Variants in MAP2K6 observed in about 807,000 individuals in gnomAD.
MAP2K6 encodes the protein mitogen-activated protein kinase kinase 6.
A neutral mutation model predicts 53.7 loss-of-function variants in MAP2K6; 16 were observed. That is an observed-to-expected ratio of 0.30 (90% CI 0.20 to 0.45). MAP2K6 has a LOEUF of 0.45. Among genes scored for constraint, MAP2K6 ranks in the 20% least tolerant of loss-of-function variants. MAP2K6 has a pLI of 1.00. For missense variants in MAP2K6, 204 were observed against 411.9 expected (o/e 0.50, Z 4.37); for synonymous variants, 132 against 143.1 (o/e 0.92, Z 0.55).
Position 69,447,535 on chromosome 17 carries a change from G to A in MAP2K6, c.16+32535G>A, listed in dbSNP as rs528015136. On this transcript the variant is annotated intron_variant, in intron 1 of 11. Coordinates refer to ENST00000590474, the MANE Select transcript of MAP2K6 (RefSeq NM_002758.4). ...TAATTTTTGTATTTTTAGTGGAGAC[G>A]GGGTTTTACCATGTTGACCAGGCTG... Among the ~76,000 whole-genome samples, 6 of 151,812 alleles carry A rather than the reference G, an allele frequency of 4.0e-5. No individual in the cohort carries two copies. The South Asian group carries it at 6.2e-4, about 16-fold the overall frequency.
At chr17:69,443,397 A>G (rs1031799396) in intron 1 of MAP2K6, among the ~76,000 whole-genome samples, 3 of 152,212 alleles carry the variant, frequency 2.0e-5, no homozygotes, top group Admixed American at 6.5e-5. Flanking sequence ...AGCTTCAGGA[A>G]GGTTATCCGA....
At chr17:69,514,666 A>G (rs1444781206) in intron 2 of MAP2K6, among the ~76,000 whole-genome samples, 1 of 151,930 alleles carries the variant, frequency 6.6e-6, no homozygotes, top group Admixed American at 6.6e-5. Flanking sequence ...GGTTCAAGCG[A>G]TTCTCCTGCC....
At chr17:69,445,799 C>G (rs566967265) in intron 1 of MAP2K6, among the ~76,000 whole-genome samples, 20 of 152,320 alleles carry the variant, frequency 1.3e-4, no homozygotes, top group African/African-American at 4.8e-4. Context: ...AGGACATACA[C>G]ACTACCTTTA....
rs968017298 is a variant in MAP2K6, at chr17:69,516,030, A to C, written c.84-825A>C. Among the ~76,000 whole-genome samples the C allele has an allele frequency of 2.0e-5, 3 of 152,082 alleles. No homozygotes were observed. The South Asian group carries it at 6.2e-4, about 32-fold the overall frequency. On this transcript the variant is annotated intron_variant, in intron 2 of 11. Coordinates refer to ENST00000590474, the MANE Select transcript of MAP2K6 (RefSeq NM_002758.4). ...ATCAGCGGTCCCCAACCTTTTTGGC[A>C]CCAGGGACTGGTTTTTTGAAAGACA...
intron 10 of MAP2K6, among the ~76,000 whole-genome samples, chr17:69,532,330 A>G (rs1167192955): frequency 6.6e-6 from 1 of 152,224 alleles, no homozygotes; most frequent in East Asian, 1.9e-4. Flanking sequence ...GGGGAATTCA[A>G]ATAGGCAGAA....
chr17:69,511,208 T>G (rs931959185), intron 2 of MAP2K6, among the ~76,000 whole-genome samples: 2 of 152,220 alleles, frequency 1.3e-5, no homozygotes, highest in Non-Finnish European at 2.9e-5. Context: ...CTTATCTGTT[T>G]CACTGTGTGA....
At chr17:69,429,090 A>T (rs1906369141) in intron 1 of MAP2K6, among the ~76,000 whole-genome samples, 1 of 152,036 alleles carries the variant, frequency 6.6e-6, no homozygotes, top group East Asian at 1.9e-4. Flanking sequence ...GGGAGAAAGG[A>T]TCATCCTTCC....
chr17:69,441,655 T>C (rs1345550063), intron 1 of MAP2K6, among the ~76,000 whole-genome samples: 1 of 152,226 alleles, frequency 6.6e-6, no homozygotes, highest in Non-Finnish European at 1.5e-5. Context: ...TTTCTTGGTA[T>C]GACAAGTGAC....
intron 1 of MAP2K6, among the ~76,000 whole-genome samples, chr17:69,464,897 G>A (rs1265195599): frequency 2.6e-5 from 4 of 151,874 alleles, no homozygotes; most frequent in Non-Finnish European, 5.9e-5. Context: ...TGTATTTTTA[G>A]TAGAGACTGG....
At chr17:69,445,578 G>A (rs1320157249) in intron 1 of MAP2K6, among the ~76,000 whole-genome samples, 1 of 152,142 alleles carries the variant, frequency 6.6e-6, no homozygotes, top group Non-Finnish European at 1.5e-5. Context: ...ATATTTAAAG[G>A]AAGTAACGTG....
At chr17:69,523,178 A>G (rs1910571933) in intron 7 of MAP2K6, among the ~76,000 whole-genome samples, 1 of 152,242 alleles carries the variant, frequency 6.6e-6, no homozygotes, top group Admixed American at 6.5e-5. Context: ...ATATCAATAG[A>G]TCATTTTGAA....
chr17:69,430,647 T>G (rs1375711465), intron 1 of MAP2K6, among the ~76,000 whole-genome samples: 3 of 152,184 alleles, frequency 2.0e-5, no homozygotes, highest in Non-Finnish European at 4.4e-5. Context: ...CGGACTTATC[T>G]TCCATGCTGA....
At chr17:69,443,102 T>C (rs1906871460) in intron 1 of MAP2K6, among the ~76,000 whole-genome samples, 1 of 152,178 alleles carries the variant, frequency 6.6e-6, no homozygotes, top group Non-Finnish European at 1.5e-5. Context: ...ACATGCATTC[T>C]TTCCTCTAGT....
chr17:69,444,857 A>C (rs1292324611), intron 1 of MAP2K6, among the ~76,000 whole-genome samples: 2 of 152,242 alleles, frequency 1.3e-5, no homozygotes, highest in Non-Finnish European at 2.9e-5. Flanking sequence ...TGGCTGTTGC[A>C]TACATGCCAC....
chr17:69,463,356 TA>T (rs1200250772), intron 1 of MAP2K6, among the ~76,000 whole-genome samples: 1 of 149,864 alleles, frequency 6.7e-6, no homozygotes, highest in Non-Finnish European at 1.5e-5. Context: ...TATTCACTAA[TA>T]TACATATATG....
At chr17:69,502,388 T>C (rs1229157246) in intron 1 of MAP2K6, 3 of 985,348 alleles carry the variant, frequency 3.0e-6, no homozygotes, top group Non-Finnish European at 3.6e-6. Flanking sequence ...TGCTGGTCTC[T>C]TACTGTGCTG....
intron 1 of MAP2K6, among the ~76,000 whole-genome samples, chr17:69,498,286 G>GACAAACAAACAA (rs10610312): frequency 3.6e-4 from 54 of 151,582 alleles, no homozygotes; most frequent in African/African-American, 1.3e-3. Context: ...GGTAAAACAA[G>GACAAACAAACAA]ACAAACAAAC....
chr17:69,430,865 A>G (rs1407508485), intron 1 of MAP2K6, among the ~76,000 whole-genome samples: 1 of 152,216 alleles, frequency 6.6e-6, no homozygotes, highest in African/African-American at 2.4e-5. Flanking sequence ...GATAGAAGAA[A>G]CGCAAGTGCT....
intron 1 of MAP2K6, among the ~76,000 whole-genome samples, chr17:69,421,818 C>T (rs1906092131): frequency 6.6e-6 from 1 of 152,024 alleles, no homozygotes; most frequent in Admixed American, 6.6e-5. Context: ...GCTGGGATTA[C>T]AGGTGTGAGC....
Sources: gnomAD v4.1 joint callset for allele counts (sites outside exome capture counted in the v4.1 genomes callset) on GRCh38, gnomAD v4.1.1 for gene constraint, MANE v1.5 for transcripts, NCBI Gene and HGNC (gene_info 2026-07-23, HGNC 2026-07-21) for gene names.